Variants in MGA observed in about 807,000 individuals in gnomAD.
MGA encodes the protein MAX dimerization protein MGA, also known as MAX gene-associated protein.
In MGA, 40 loss-of-function variants were observed where a neutral mutation model predicts 261.1. The observed-to-expected ratio is 0.15, with a 90% CI of 0.12 to 0.20. The LOEUF (loss-of-function observed/expected upper bound fraction) is 0.20, where lower values mean the gene tolerates loss of function less well. MGA is among the 10% of genes least tolerant of loss of function. The pLI is 1.00. For synonymous variants in MGA, 1,302 were observed against 1,290.6 expected (o/e 1.01, Z -0.19); for missense variants, 3,397 against 3,630.5 (o/e 0.94, Z 1.65).
chr15:41,702,478 T>C (rs1286284598), intron 5 of MGA, among the ~76,000 whole-genome samples: 2 of 152,242 alleles, frequency 1.3e-5, no homozygotes, highest in Admixed American at 6.5e-5. Context: ...AAATAATTTG[T>C]TGAATTTCAA....
rs1185978488 is a variant in MGA at position 41,696,626 on chromosome 15, T to C, written c.1616T>C (p.Val539Ala). 1 of 1,613,280 alleles carries C rather than the reference T, an allele frequency of 6.2e-7. No homozygotes were observed. The highest frequency in any genetic ancestry group is 8.5e-7 in the Non-Finnish European group (1 of 1,179,714). The change falls in exon 3 of 24, where the codon GTG (valine) becomes GCG (alanine). Residue 539 changes from valine (V) to alanine (A), a missense_variant. Val to Ala is a moderately conservative substitution (Grantham distance 64). This residue lies in a region of MGA where 563 missense variants were observed against 563.6 expected (regional missense o/e 1.00). Coordinates refer to ENST00000219905, the MANE Select transcript of MGA (RefSeq NM_001164273.2). ...AGAAAACATTCACCAGATCTCAGAG[T>C]GGTACAAAAATATCCCTTACTGAAA...
intron 1 of MGA, among the ~76,000 whole-genome samples, chr15:41,628,753 T>G (rs2056519794): frequency 6.6e-6 from 1 of 152,144 alleles, no homozygotes; most frequent in Non-Finnish European, 1.5e-5. Flanking sequence ...TTTTTGGATT[T>G]TATTCTAACT....
Position 41,725,553 on chromosome 15 carries a change from G to C in MGA, c.3431-1627G>C, listed in dbSNP as rs200056243. 1.7e-3 allele frequency among the ~76,000 whole-genome samples: 14 copies of C among 8,212 alleles called. 4 individuals carry two copies. The highest frequency in any genetic ancestry group is 4.6e-3 in the Admixed American group (2 of 436). The allele number at this position is 8,212 out of a possible 152,430, so 5.4% of individuals were successfully genotyped here. On this transcript the variant is annotated intron_variant, in intron 9 of 23. Coordinates refer to ENST00000219905, the MANE Select transcript of MGA (RefSeq NM_001164273.2). ...ACTCTTAAAAAAATAAATAAGTAGG[G>C]CCGGGCGCGGTGGCTCACGCCTGTA...
intron 1 of MGA, among the ~76,000 whole-genome samples, chr15:41,634,140 A>AT (rs1333919522): frequency 6.6e-6 from 1 of 152,164 alleles, no homozygotes; most frequent in East Asian, 1.9e-4. Flanking sequence ...GCATCACAGT[A>AT]TATAACACAC....
intron 2 of MGA, chr15:41,684,789 T>C (rs1227559167): frequency 1.9e-5 from 3 of 158,980 alleles, no homozygotes; most frequent in African/African-American, 7.2e-5. Context: ...ATGTCATTTA[T>C]ATGTGATATA....
intron 15 of MGA, among the ~76,000 whole-genome samples, chr15:41,744,405 A>G (rs1391134814): frequency 6.6e-6 from 1 of 151,972 alleles, no homozygotes; most frequent in Non-Finnish European, 1.5e-5. Flanking sequence ...AGGTTTCTCC[A>G]TTTTGGTCAG....
chr15:41,745,281 T>TTAAAAAAA lies in MGA; in HGVS notation c.5212+2109_5212+2110insTAAAAAAA, dbSNP rs1555432883. Among the ~76,000 whole-genome samples the TTAAAAAAA allele has an allele frequency of 1.1e-3, 36 of 33,220 alleles. 8 individuals carry two copies. Among genetic ancestry groups the TTAAAAAAA allele is most frequent in the East Asian group, 4.3e-3 (2 of 460 alleles). The allele number at this position is 33,220 out of a possible 152,430, so 21.8% of individuals were successfully genotyped here. A position where few individuals can be genotyped will look rare whatever the true frequency, so the allele number is the denominator to read the frequency against. ...GCGAGAAACACCCAAGAATGATCAATAAAAAAAAAAAAAAAAAAAAAAAAA... is the reference window on the plus strand; with the variant it reads ...GCGAGAAACACCCAAGAATGATCAATTAAAAAAAAAAAAAAAAAAAAAAAAAAAAAAAA... On this transcript the variant is annotated intron_variant, in intron 15 of 23. Coordinates refer to ENST00000219905, the MANE Select transcript of MGA (RefSeq NM_001164273.2).
At chr15:41,645,581 C>A (rs1251044234) in intron 1 of MGA, among the ~76,000 whole-genome samples, 4 of 151,206 alleles carry the variant, frequency 2.6e-5, no homozygotes, top group Non-Finnish European at 5.9e-5. Flanking sequence ...GAGACTCTGT[C>A]TGAAAAAAAA....
upstream of MGA, among the ~76,000 whole-genome samples, chr15:41,657,686 A>AAAAC (rs1491170127): frequency 1.3e-4 from 1 of 7,880 alleles, no homozygotes; most frequent in Non-Finnish European, 4.7e-4. Context: ...AAAACAAAAC[A>AAAAC]AAAAAAAAAA....
Position 41,718,606 on chromosome 15 carries a change from T to C in MGA, c.3430+5110T>C, listed in dbSNP as rs546818894. The C allele has an allele frequency of 4.4e-4, 144 of 325,102 alleles. 2 individuals carry two copies. In the South Asian group the frequency reaches 9.3e-3, roughly 21 times the overall value. The allele number at this position is 325,102 out of a possible 1,614,324, so 20.1% of individuals were successfully genotyped here. On this transcript the variant is annotated intron_variant, in intron 9 of 23. Coordinates refer to ENST00000219905, the MANE Select transcript of MGA (RefSeq NM_001164273.2). ...TCGAAGTGAGCATCAATAAGATGTT[T>C]TGGGATTTTTACATTGCTAATGCCA...
At position 41,762,461 on chromosome 15, in the gene MGA, G is replaced by GTTTTTTTTTTTTTTTTT. The variant is rs34069193; in HGVS notation, c.7744+113_7744+129dup. 31 of 138,444 alleles carry GTTTTTTTTTTTTTTTTT rather than the reference G, an allele frequency of 2.2e-4. 5 individuals carry two copies. Among genetic ancestry groups the GTTTTTTTTTTTTTTTTT allele is most frequent in the East Asian group, 1.5e-3 (4 of 2,746 alleles). 8.6% of individuals were successfully genotyped at this position (138,444 alleles called of 1,614,324 possible). A position where few individuals can be genotyped will look rare whatever the true frequency, so the allele number is the denominator to read the frequency against. On this transcript the variant is annotated intron_variant, in intron 22 of 23. Coordinates refer to ENST00000219905, the MANE Select transcript of MGA (RefSeq NM_001164273.2). ...TTGTCCACATTTTTAGTTTTGTGTG[G>GTTTTTTTTTTTTTTTTT]TTTTTTTTTTTTTTTTTTTTTTTTT...
intron 1 of MGA, among the ~76,000 whole-genome samples, chr15:41,640,416 A>G (rs2056797624): frequency 6.6e-6 from 1 of 152,208 alleles, no homozygotes; most frequent in Non-Finnish European, 1.5e-5. Context: ...GGAGTTGTTG[A>G]GCCTAGAGAA....
chr15:41,736,092 T>G (rs1413221230), intron 12 of MGA, 89 bp from the exon 13 acceptor site: 1 of 1,137,158 alleles, frequency 8.8e-7, no homozygotes, highest in Admixed American at 3.1e-5. Flanking sequence ...CGTGAGAATG[T>G]GACAGTTTTT....
intron 1 of MGA, chr15:41,621,438 C>G (rs1041484431): frequency 2.0e-5 from 3 of 152,284 alleles, no homozygotes; most frequent in African/African-American, 7.2e-5. Flanking sequence ...GCTTCGAGCT[C>G]GGTGCCAGGT....
intron 18 of MGA, among the ~76,000 whole-genome samples, chr15:41,756,271 TGACAGAAGAA>T (rs2063143325): frequency 6.6e-6 from 1 of 152,136 alleles, no homozygotes; most frequent in Admixed American, 6.5e-5. Flanking sequence ...TAGAGACAGT[TGACAGAAGAA>T]GAAGAAACCT....
In MGA at chr15:41,702,690, T is replaced by G. The variant is rs553516274; in HGVS notation, c.2188+3531T>G. ...AGTTTTACTTAAAAATAAAATAAGA[T>G]TCTTAATTTTTCTTTCCGTGGTACT... On this transcript the variant is annotated intron_variant, in intron 5 of 23. Transcript: ENST00000219905. Among the ~76,000 whole-genome samples, 3 of 152,336 alleles carry G rather than the reference T, an allele frequency of 2.0e-5. No individual in the cohort carries two copies. In the East Asian group the frequency reaches 5.8e-4, roughly 29 times the overall value.
intron 11 of MGA, 49 bp from the exon 12 acceptor site, chr15:41,734,473 A>G: frequency 7.1e-7 from 1 of 1,404,200 alleles, no homozygotes; most frequent in Non-Finnish European, 9.9e-7. Context: ...TTCTGTGGGT[A>G]TTGAATATAT....
rs534519186 is a variant in MGA, at chr15:41,627,493, C to T, written c.-68+6195C>T. 2.0e-5 allele frequency among the ~76,000 whole-genome samples: 3 copies of T among 152,280 alleles called. No homozygotes were observed. The South Asian group carries it at 6.2e-4, about 32-fold the overall frequency. On this transcript the variant is annotated intron_variant, in intron 1 of 8. Transcript: ENST00000566718. ...TCATCATTAGACTGGGGTTAGAGTA[C>T]TTAGTATCAACATGATTGTCACTAT...
Position 41,749,935 on chromosome 15 carries a change from G to C in MGA, c.6328G>C (p.Gly2110Arg), listed in dbSNP as rs767824579. Residue 2110 changes from glycine (G) to arginine (R), a missense_variant, in exon 17 of 24, where the codon GGT becomes CGT. Gly to Arg is a moderately radical substitution (Grantham distance 125). This residue lies in a region of MGA where 1,410 missense variants were observed against 1,386.4 expected (regional missense o/e 1.02). Coordinates refer to ENST00000219905, the MANE Select transcript of MGA (RefSeq NM_001164273.2). ...AAGTAAAGTACAGCATCAAAAACTTGGTGATGTGAAGGTGGAACAGCAGAA... is the reference window on the plus strand; with the variant it reads ...AAGTAAAGTACAGCATCAAAAACTTCGTGATGTGAAGGTGGAACAGCAGAA... 3.7e-5 allele frequency: 60 copies of C among 1,613,660 alleles called. 1 individual carries two copies. The highest frequency in any genetic ancestry group is 3.7e-5 in the Non-Finnish European group (44 of 1,179,852).
Sources: allele counts gnomAD v4.1 joint callset (sites outside exome capture counted in the v4.1 genomes callset), GRCh38; gene constraint gnomAD v4.1.1; regional missense constraint gnomAD v4.1.1; transcripts MANE v1.5; gene names NCBI Gene and HGNC (gene_info 2026-07-23, HGNC 2026-07-21).